The following QTMAN variants were observed in gnomAD, a reference collection of about 807,000 sequenced individuals.
QTMAN encodes queuosine-tRNA mannosyltransferase.
the QTMAN span, among the ~76,000 whole-genome samples, chr2:143,963,198 A>G: frequency 1.3e-5 from 2 of 152,180 alleles, no homozygotes; most frequent in South Asian, 2.1e-4. Context: ...ACAAAATGAG[A>G]TATCAGAGTA....
the QTMAN span, among the ~76,000 whole-genome samples, chr2:144,319,078 CA>C: frequency 1.3e-5 from 2 of 152,030 alleles, no homozygotes; most frequent in African/African-American, 4.8e-5. Context: ...ACCTGCTTGC[CA>C]AATCATTTTA....
chr2:144,303,780 C>G, the QTMAN span, among the ~76,000 whole-genome samples: 2 of 152,086 alleles, frequency 1.3e-5, no homozygotes, highest in Non-Finnish European at 2.9e-5. Context: ...CATTTTCAGA[C>G]AGTAGACAAT....
the QTMAN span, among the ~76,000 whole-genome samples, chr2:144,018,064 C>T: frequency 6.6e-6 from 1 of 152,092 alleles, no homozygotes; most frequent in Admixed American, 6.6e-5. Flanking sequence ...TTATGTCTTT[C>T]CTATGATACT....
At chr2:144,133,182 A>AT in the QTMAN span, among the ~76,000 whole-genome samples, 5 of 37,656 alleles carry the variant, frequency 1.3e-4, no homozygotes, top group South Asian at 4.9e-4. Flanking sequence ...AAATATATAT[A>AT]ATATAAATTT....
chr2:144,153,647 C>T, the QTMAN span, among the ~76,000 whole-genome samples: 1 of 152,142 alleles, frequency 6.6e-6, no homozygotes, highest in African/African-American at 2.4e-5. Flanking sequence ...GCCGAGATCG[C>T]ACCACTGCAC....
At chr2:144,071,217 A>C in the QTMAN span, among the ~76,000 whole-genome samples, 4 of 150,896 alleles carry the variant, frequency 2.7e-5, no homozygotes, top group African/African-American at 9.7e-5. Context: ...TTCTTACTCC[A>C]TTGGAATAAA....
At chr2:143,987,643 T>G in the QTMAN span, among the ~76,000 whole-genome samples, 1 of 152,228 alleles carries the variant, frequency 6.6e-6, no homozygotes, top group Non-Finnish European at 1.5e-5. Flanking sequence ...TTAATGTGCT[T>G]CCTCTCTTGG....
At chr2:144,090,286 T>A in the QTMAN span, among the ~76,000 whole-genome samples, 174 of 152,222 alleles carry the variant, frequency 1.1e-3, no homozygotes, top group African/African-American at 4.0e-3. Flanking sequence ...ACTAAATGCT[T>A]TCCCTCTAAA....
At chr2:144,086,693 T>C in the QTMAN span, among the ~76,000 whole-genome samples, 7 of 152,156 alleles carry the variant, frequency 4.6e-5, no homozygotes, top group Admixed American at 6.5e-5. Context: ...CTGGATAAAA[T>C]AGGATTTGAA....
the QTMAN span, among the ~76,000 whole-genome samples, chr2:144,077,071 T>C: frequency 4.0e-4 from 59 of 147,266 alleles, no homozygotes; most frequent in African/African-American, 1.3e-3. Context: ...AAAAGAGAGA[T>C]TAAGAATCCT....
chr2:144,029,361 C>T, the QTMAN span, among the ~76,000 whole-genome samples: 1 of 152,168 alleles, frequency 6.6e-6, no homozygotes, highest in African/African-American at 2.4e-5. Flanking sequence ...ATTTTTATGT[C>T]TGCTCTAAAT....
At chr2:144,315,926 T>C in the QTMAN span, among the ~76,000 whole-genome samples, 1 of 152,188 alleles carries the variant, frequency 6.6e-6, no homozygotes, top group East Asian at 1.9e-4. Context: ...TCACTCCCCC[T>C]GGGGGACAAA....
the QTMAN span, among the ~76,000 whole-genome samples, chr2:144,289,073 G>T: frequency 7.8e-6 from 1 of 129,010 alleles, no homozygotes; most frequent in South Asian, 2.3e-4. Context: ...TCGCTCTGTC[G>T]CCCAGTCTGG....
chr2:144,320,886 C>A, the QTMAN span, among the ~76,000 whole-genome samples: 1 of 152,136 alleles, frequency 6.6e-6, no homozygotes, highest in East Asian at 1.9e-4. Flanking sequence ...GTTATGATTG[C>A]CCCTGAAGTT....
chr2:144,013,763 T>G, the QTMAN span, among the ~76,000 whole-genome samples: 2 of 152,192 alleles, frequency 1.3e-5, no homozygotes, highest in Non-Finnish European at 2.9e-5. Flanking sequence ...TTCAGCGATC[T>G]AAGGCCTTGG....
the QTMAN span, among the ~76,000 whole-genome samples, chr2:144,019,247 C>T: frequency 1.3e-5 from 2 of 152,152 alleles, no homozygotes; most frequent in Non-Finnish European, 2.9e-5. Flanking sequence ...CCTCCCTTGC[C>T]TTTTCAATTC....
chr2:144,085,669 G>A, the QTMAN span, among the ~76,000 whole-genome samples: 1 of 152,146 alleles, frequency 6.6e-6, no homozygotes, highest in Non-Finnish European at 1.5e-5. Flanking sequence ...CAAGAGATGA[G>A]GGGGATGTGA....
At chr2:144,109,806 G>C in the QTMAN span, among the ~76,000 whole-genome samples, 1 of 152,060 alleles carries the variant, frequency 6.6e-6, no homozygotes, top group Non-Finnish European at 1.5e-5. Context: ...ATCATCACTG[G>C]CCATCAGAGA....
the QTMAN span, among the ~76,000 whole-genome samples, chr2:144,325,162 CAT>C: frequency 6.6e-6 from 1 of 152,196 alleles, no homozygotes; most frequent in Non-Finnish European, 1.5e-5. Flanking sequence ...ACCTCAATCC[CAT>C]ATCTTTTATA....
Sources: gnomAD v4.1 joint callset for allele counts (sites outside exome capture counted in the v4.1 genomes callset) on GRCh38, gnomAD v4.1.1 for gene constraint, MANE v1.5 for transcripts, NCBI Gene and HGNC (gene_info 2026-07-23, HGNC 2026-07-21) for gene names.